Variants in AMPH observed in about 807,000 individuals in gnomAD.
AMPH encodes amphiphysin.
In AMPH, 49 loss-of-function variants were observed where a neutral mutation model predicts 99.1. The ratio of observed to expected loss-of-function variants is 0.49; its 90% CI spans 0.39 to 0.63. The LOEUF is 0.63. AMPH is among the 20% of genes least tolerant of loss of function. The probability of loss-of-function intolerance (pLI) is 0.00; values close to 1 mark genes in which losing one functional copy is unlikely to be tolerated. For synonymous variants in AMPH, 314 were observed against 317.3 expected (o/e 0.99, Z 0.11); for missense variants, 759 against 863.4 (o/e 0.88, Z 1.52).
rs780610568 is a variant in AMPH at position 38,529,071 on chromosome 7, G to A, written c.150+5860C>T. ...ACTCCTTCTCATTAAGGTGTGAGCA[G>A]GGACTTTCATTTCTTAACAGGGCAT... On this transcript the variant is annotated intron_variant, in intron 2 of 20. Transcript: ENST00000356264. Among the ~76,000 whole-genome samples, 4 of 152,218 alleles carry A rather than the reference G, an allele frequency of 2.6e-5. No individual in the cohort carries two copies. The East Asian group carries it at 7.7e-4, about 29-fold the overall frequency.
At chr7:38,572,060 C>T (rs1341911710) in intron 1 of AMPH, among the ~76,000 whole-genome samples, 1 of 152,050 alleles carries the variant, frequency 6.6e-6, no homozygotes, top group East Asian at 1.9e-4. Flanking sequence ...CATGTGCCAC[C>T]ATGCCTGGCT....
At chr7:38,564,843 G>A (rs184792633) in intron 1 of AMPH, among the ~76,000 whole-genome samples, 7 of 152,202 alleles carry the variant, frequency 4.6e-5, no homozygotes, top group South Asian at 4.2e-4. Context: ...GAAAAGAACC[G>A]GCCGGGCGCA....
intron 3 of AMPH, 151 bp from the exon 4 acceptor site, chr7:38,494,678 G>A (rs2129021976): frequency 1.6e-6 from 1 of 640,250 alleles, no homozygotes; most frequent in African/African-American, 1.8e-5. Flanking sequence ...TGTATCTGCT[G>A]TTGTATCTTT....
intron 9 of AMPH, among the ~76,000 whole-genome samples, chr7:38,463,923 T>C (rs1166595469): frequency 6.6e-6 from 1 of 152,146 alleles, no homozygotes; most frequent in Non-Finnish European, 1.5e-5. Context: ...TAAAAGAGCA[T>C]GTACACAGCA....
intron 14 of AMPH, chr7:38,428,889 C>G: frequency 1.4e-6 from 1 of 725,232 alleles, no homozygotes; most frequent in Non-Finnish European, 2.1e-6. Context: ...ATACCCTGCT[C>G]TTAGATCTTT....
At chr7:38,466,048 A>G (rs956368918) in intron 8 of AMPH, 125 bp downstream of exon 8, 12 of 726,128 alleles carry the variant, frequency 1.7e-5, no homozygotes, top group Non-Finnish European at 2.7e-5. Flanking sequence ...GGGTAATAAC[A>G]CACTGCTAAA....
Position 38,392,036 on chromosome 7 carries a change from T to G in AMPH, c.1609-19A>C. 1 of 1,600,720 alleles carries G rather than the reference T, an allele frequency of 6.2e-7. No individual in the cohort carries two copies. Among genetic ancestry groups the G allele is most frequent in the Non-Finnish European group, 8.5e-7 (1 of 1,179,538 alleles). Reference sequence around the variant, plus strand: ...CCTTCTCCTGGGGGAAGAAAAACCGTGGCGATGCCCGGCAGGGCCTGGAAA... The same window carrying G: ...CCTTCTCCTGGGGGAAGAAAAACCGGGGCGATGCCCGGCAGGGCCTGGAAA... On this transcript the variant is annotated intron_variant, in intron 18 of 20. Transcript: ENST00000356264.
Position 38,384,699 on chromosome 7 carries a change from G to A in AMPH, c.*119C>T, listed in dbSNP as rs906931867. ...ATGCTCCATTGATACATCTTCCCAA[G>A]GTTTGTCTGGCATCAGTCTGTAAAT... On this transcript the variant is annotated 3_prime_UTR_variant, in exon 21 of 21. Coordinates refer to ENST00000356264, the MANE Select transcript of AMPH (RefSeq NM_001635.4). The A allele has an allele frequency of 6.2e-5, 51 of 820,188 alleles. No individual in the cohort carries two copies. In the African/African-American group the frequency reaches 7.9e-4, roughly 13 times the overall value. The allele number at this position is 820,188 out of a possible 1,614,324, so 50.8% of individuals were successfully genotyped here. A position where few individuals can be genotyped will look rare whatever the true frequency, so the allele number is the denominator to read the frequency against.
rs149415299 is a variant in AMPH at position 38,565,322 on chromosome 7, A to G, written c.70-30311T>C. Among the ~76,000 whole-genome samples, 16 of 152,294 alleles carry G rather than the reference A, an allele frequency of 1.1e-4. No homozygotes were observed. The East Asian group carries it at 3.1e-3, about 29-fold the overall frequency. ...TAATGGTTTGCTAGGGCTGTCAATA[A>G]CAAAATACCACAGACTGGGTGGCTT... is the stretch of plus-strand genomic sequence containing the variant. On this transcript the variant is annotated intron_variant, in intron 1 of 20. Coordinates refer to ENST00000356264, the MANE Select transcript of AMPH (RefSeq NM_001635.4).
chr7:38,433,281 G>A (rs1008183080), intron 12 of AMPH, among the ~76,000 whole-genome samples: 1 of 152,186 alleles, frequency 6.6e-6, no homozygotes, highest in African/African-American at 2.4e-5. Context: ...CATGCAGCCT[G>A]CCTGGTCTCT....
intron 2 of AMPH, among the ~76,000 whole-genome samples, chr7:38,522,749 T>C (rs1790016200): frequency 6.6e-6 from 1 of 151,956 alleles, no homozygotes; most frequent in Admixed American, 6.6e-5. Context: ...CACAAATAAA[T>C]ATACGTATAT....
At chr7:38,604,658 T>C (rs1400869486) in intron 1 of AMPH, among the ~76,000 whole-genome samples, 3 of 152,178 alleles carry the variant, frequency 2.0e-5, no homozygotes, top group Non-Finnish European at 4.4e-5. Flanking sequence ...GGAAGAGTCC[T>C]TCATCCAAAG....
intron 3 of AMPH, among the ~76,000 whole-genome samples, chr7:38,496,338 A>G (rs1788931354): frequency 6.6e-6 from 1 of 152,144 alleles, no homozygotes; most frequent in Admixed American, 6.5e-5. Flanking sequence ...GTTTCATAGC[A>G]CTTGTGCTCT....
chr7:38,385,097 T>C (rs1784315487), intron 20 of AMPH, among the ~76,000 whole-genome samples, 172 bp from the exon 21 acceptor site: 1 of 149,784 alleles, frequency 6.7e-6, no homozygotes, highest in African/African-American at 2.4e-5. Flanking sequence ...AATAAGTTGT[T>C]AGTTAAAAAA....
At chr7:38,402,474 A>T (rs1784866483) in intron 17 of AMPH, among the ~76,000 whole-genome samples, 1 of 152,228 alleles carries the variant, frequency 6.6e-6, no homozygotes, top group African/African-American at 2.4e-5. Context: ...TTTACAGTAG[A>T]CGTGGAAACA....
At chr7:38,424,404 T>G (rs911376807) in intron 15 of AMPH, among the ~76,000 whole-genome samples, 1 of 152,192 alleles carries the variant, frequency 6.6e-6, no homozygotes, top group Non-Finnish European at 1.5e-5. Flanking sequence ...TTCAGAGATA[T>G]AATGGAAGAG....
At chr7:38,538,636 A>C (rs1306223435) in intron 1 of AMPH, among the ~76,000 whole-genome samples, 1 of 152,222 alleles carries the variant, frequency 6.6e-6, no homozygotes, top group Admixed American at 6.5e-5. Flanking sequence ...GATAGGAATA[A>C]TGAGACCAGT....
At chr7:38,461,433 C>T (rs1472927173) in intron 10 of AMPH, 22 bp from the exon 11 acceptor site, 1 of 1,613,722 alleles carries the variant, frequency 6.2e-7, no homozygotes, top group Non-Finnish European at 8.5e-7. Flanking sequence ...TAAATACAAA[C>T]ATTAATCCAG....
chr7:38,437,639 A>AAAAAAAATAAAAG, intron 11 of AMPH, among the ~76,000 whole-genome samples: 2 of 96,728 alleles, frequency 2.1e-5, no homozygotes, highest in South Asian at 4.0e-4. Flanking sequence ...AAAAAAAAAA[A>AAAAAAAATAAAAG]AAAAGAAAAG....
Sources: gnomAD v4.1 joint callset for allele counts (sites outside exome capture counted in the v4.1 genomes callset) on GRCh38, gnomAD v4.1.1 for gene constraint, MANE v1.5 for transcripts, NCBI Gene and HGNC (gene_info 2026-07-23, HGNC 2026-07-21) for gene names.